PILRA: variants seen among roughly 807,000 people sequenced by gnomAD.
PILRA encodes paired immunoglobulin-like type 2 receptor alpha.
PILRA carries 37 observed loss-of-function variants against 33.1 expected under a neutral mutation model. The ratio of observed to expected loss-of-function variants is 1.12; its 90% CI spans 0.86 to 1.47. The LOEUF (loss-of-function observed/expected upper bound fraction) is 1.47, where lower values mean the gene tolerates loss of function less well. PILRA is among the 40% of genes most tolerant of loss of function. PILRA has a pLI of 0.00. For missense variants in PILRA, 312 were observed against 376.2 expected (o/e 0.83, Z 1.41); for synonymous variants, 146 against 149.9 (o/e 0.97, Z 0.19).
intron 4 of PILRA, 94 bp downstream of exon 4, chr7:100,398,006 C>A (rs1791535615): frequency 1.6e-6 from 2 of 1,257,340 alleles, no homozygotes; most frequent in Non-Finnish European, 2.3e-6. Flanking sequence ...AAGAACCCCA[C>A]AAACCCAGCC....
chr7:100,399,263 T>C, intron 4 of PILRA, 28 bp from the exon 5 acceptor site: 2 of 1,580,926 alleles, frequency 1.3e-6, no homozygotes, highest in Non-Finnish European at 1.7e-6. Flanking sequence ...ACCTCTAACA[T>C]ATTTCCTGTC....
At chr7:100,377,270 T>A (rs1001821458) in intron 2 of PILRA, among the ~76,000 whole-genome samples, 2 of 143,168 alleles carry the variant, frequency 1.4e-5, no homozygotes, top group Non-Finnish European at 3.0e-5. Flanking sequence ...AGATGGAGTC[T>A]TGCTGTGTCT....
At chr7:100,371,324 C>A (rs1790807173), upstream of PILRA, among the ~76,000 whole-genome samples, 1 of 152,194 alleles carries the variant, frequency 6.6e-6, no homozygotes, top group East Asian at 1.9e-4. Context: ...TATTATAAAT[C>A]TTCCACCTTC....
At chr7:100,395,265 T>G (rs1791471541) in intron 3 of PILRA, among the ~76,000 whole-genome samples, 1 of 152,168 alleles carries the variant, frequency 6.6e-6, no homozygotes, top group Non-Finnish European at 1.5e-5. Flanking sequence ...GTAGTGTGTT[T>G]TGGGAGGTGC....
At chr7:100,381,996 T>TCCCCAC (rs1554453953) in intron 2 of PILRA, among the ~76,000 whole-genome samples, 1,508 of 128,516 alleles carry the variant, frequency 0.012, 12 homozygotes, top group African/African-American at 0.038. Flanking sequence ...CATGCCTCAG[T>TCCCCAC]CCCCACCCCC....
chr7:100,373,986 C>T, intron 1 of PILRA, 58 bp from the exon 2 acceptor site: 1 of 1,582,950 alleles, frequency 6.3e-7, no homozygotes, highest in Admixed American at 1.7e-5. Context: ...GGGTCACCCT[C>T]TTTGTGTCTT....
intron 2 of PILRA, among the ~76,000 whole-genome samples, chr7:100,382,896 G>A (rs1349542611): frequency 2.0e-5 from 3 of 152,114 alleles, no homozygotes; most frequent in Non-Finnish European, 2.9e-5. Flanking sequence ...AACAAACTCC[G>A]GACACGCCGC....
At chr7:100,374,901 C>A (rs913204624) in intron 2 of PILRA, among the ~76,000 whole-genome samples, 9 of 152,150 alleles carry the variant, frequency 5.9e-5, no homozygotes, top group Non-Finnish European at 1.2e-4. Context: ...CATTCAGGAA[C>A]CCCCAGCAGG....
rs558967368 is a variant in PILRA at position 100,394,055 on chromosome 7, T to C, written c.674-3824T>C. ...ATCAATTTTCTGTAACTAAGAATAA[T>C]TGAATAGATATTGGGTAATCAAATA... is the stretch of plus-strand genomic sequence containing the variant. On this transcript the variant is annotated intron_variant, in intron 3 of 6. Coordinates refer to ENST00000198536, the MANE Select transcript of PILRA (RefSeq NM_013439.3). 4.6e-5 allele frequency among the ~76,000 whole-genome samples: 7 copies of C among 152,262 alleles called. No homozygotes were observed. The South Asian group carries it at 6.2e-4, about 14-fold the overall frequency.
At chr7:100,380,243 G>C (rs1445036073) in intron 2 of PILRA, among the ~76,000 whole-genome samples, 1 of 152,182 alleles carries the variant, frequency 6.6e-6, no homozygotes, top group Non-Finnish European at 1.5e-5. Context: ...GAAGCCTAAG[G>C]CTAGAGTCCC....
intron 4 of PILRA, among the ~76,000 whole-genome samples, chr7:100,398,713 A>C (rs1434722038): frequency 6.6e-6 from 1 of 152,102 alleles, no homozygotes; most frequent in East Asian, 1.9e-4. Flanking sequence ...CCTTTTTCCT[A>C]TTTTTATTCT....
intron 3 of PILRA, among the ~76,000 whole-genome samples, chr7:100,390,507 C>G (rs1791368560): frequency 6.6e-6 from 1 of 152,198 alleles, no homozygotes; most frequent in African/African-American, 2.4e-5. Context: ...TGGCTTGAAA[C>G]TGCAGAAGCA....
rs1182672366 is a variant in PILRA at position 100,399,301 on chromosome 7, C to T, written c.718C>T (p.Gln240Ter). 6.2e-7 allele frequency: 1 copy of T among 1,612,316 alleles called. No individual in the cohort carries two copies. Among genetic ancestry groups the T allele is most frequent in the Non-Finnish European group, 8.5e-7 (1 of 1,178,676 alleles). Reference sequence around the variant, plus strand: ...CTTGTTCCCATACAGGGAACCCTTCCAAAACACAGAGGAGCCATATGAGAA... The same window carrying T: ...CTTGTTCCCATACAGGGAACCCTTCTAAAACACAGAGGAGCCATATGAGAA... The part of the protein sequence containing the change: ...KATTPAREPF[Q>*]NTEEPYENIR... Residue 240 changes from glutamine (Q) to a stop codon, truncating the protein, a stop_gained, in exon 5 of 7, where the codon CAA becomes TAA. Transcript: ENST00000198536. LOFTEE classifies it high-confidence loss of function.
At chr7:100,375,042 G>C (rs185239109) in intron 2 of PILRA, among the ~76,000 whole-genome samples, 3 of 151,866 alleles carry the variant, frequency 2.0e-5, no homozygotes, top group Non-Finnish European at 4.4e-5. Flanking sequence ...GACCTGTCTC[G>C]CCTCTTCTCT....
At position 100,397,903 on chromosome 7, in the gene PILRA, C is replaced by T. The variant is rs750902149; in HGVS notation, c.698C>T (p.Thr233Ile). Residue 233 changes from threonine to isoleucine, a missense_variant, in exon 4 of 7, where the codon ACC becomes ATC. Thr to Ile is a moderately conservative substitution (Grantham distance 89). Coordinates refer to ENST00000198536, the MANE Select transcript of PILRA (RefSeq NM_013439.3). Reference protein sequence around the residue: ...RKGQQRTKATTPAREPFQNTE... With the variant: ...RKGQQRTKATIPAREPFQNTE... ...GGTCAGCAGCGGACTAAAGCCACAACCCCAGCCAGGTGAGTGCTGGGCCTC... is the reference window on the plus strand; with the variant it reads ...GGTCAGCAGCGGACTAAAGCCACAATCCCAGCCAGGTGAGTGCTGGGCCTC... 5.0e-6 allele frequency: 8 copies of T among 1,613,888 alleles called. No homozygotes were observed. Among genetic ancestry groups the T allele is most frequent in the Non-Finnish European group, 6.8e-6 (8 of 1,179,908 alleles).
At chr7:100,386,912 T>C (rs1791266736) in intron 2 of PILRA, among the ~76,000 whole-genome samples, 1 of 152,166 alleles carries the variant, frequency 6.6e-6, no homozygotes, top group Admixed American at 6.5e-5. Flanking sequence ...TGGATTCAAA[T>C]TGCATAGTTT....
At chr7:100,391,184 AATTATT>A (rs1342415315) in intron 3 of PILRA, among the ~76,000 whole-genome samples, 3,471 of 121,944 alleles carry the variant, frequency 0.028, 157 homozygotes, top group African/African-American at 0.096. Flanking sequence ...TAATAATAAT[AATTATT>A]ATTATTATTA....
At position 100,399,496 on chromosome 7, in the gene PILRA, A is replaced by T. The variant is rs535862896; in HGVS notation, c.758-85A>T. On this transcript the variant is annotated intron_variant, in intron 5 of 6. Coordinates refer to ENST00000198536, the MANE Select transcript of PILRA (RefSeq NM_013439.3). ...GACCCTGGCCCTGACCTAGCAGATA[A>T]CCTCACTCCTAGAGCCCCCTGCCCA... 66 of 1,513,090 alleles carry T rather than the reference A, an allele frequency of 4.4e-5. No individual in the cohort carries two copies. The African/African-American group carries it at 8.1e-4, about 19-fold the overall frequency. The allele number at this position is 1,513,090 out of a possible 1,614,324, so 93.7% of individuals were successfully genotyped here. A position where few individuals can be genotyped will look rare whatever the true frequency, so the allele number is the denominator to read the frequency against.
intron 2 of PILRA, chr7:100,376,088 A>G (rs1006158264): frequency 6.6e-6 from 1 of 152,176 alleles, no homozygotes; most frequent in Non-Finnish European, 1.5e-5. Flanking sequence ...GCAATCCTAA[A>G]CAATGCCAGG....
Sources: gnomAD v4.1 joint callset for allele counts (sites outside exome capture counted in the v4.1 genomes callset) on GRCh38, gnomAD v4.1.1 for gene constraint, MANE v1.5 for transcripts, NCBI Gene and HGNC (gene_info 2026-07-23, HGNC 2026-07-21) for gene names.